The following OR2M3 variants were observed in gnomAD, a reference collection of about 807,000 sequenced individuals.
The protein encoded by OR2M3 is olfactory receptor family 2 subfamily M member 3, also known as olfactory receptor 2M3.
OR2M3 carries 1 observed loss-of-function variant against 4.3 expected under a neutral mutation model. That is an observed-to-expected ratio of 0.23 (90% CI 0.08 to 1.11). The LOEUF is 1.11. Ranked by LOEUF, OR2M3 falls within the 50% of genes most tolerant of loss-of-function variation. The pLI, the probability that OR2M3 is intolerant of heterozygous loss-of-function variation, is 0.54. For missense variants in OR2M3, 410 were observed against 390.4 expected, an observed-to-expected ratio of 1.05 and a Z score of -0.42; for synonymous variants, 151 against 139.4, an observed-to-expected ratio of 1.08 and a Z score of -0.59.
rs1239957532 is a variant in OR2M3 at position 248,211,504 on chromosome 1, G to A, written c.*7498G>A. On this transcript the variant is annotated 3_prime_UTR_variant, in exon 2 of 2. Coordinates refer to ENST00000641626, the MANE Select transcript of OR2M3 (RefSeq NM_001004689.2). ...AATGTTTCTGAATTTTCAAATGTAAGTATATTTTTACATAATAGTAATTTT... is the reference window on the plus strand; with the variant it reads ...AATGTTTCTGAATTTTCAAATGTAAATATATTTTTACATAATAGTAATTTT... 1 of 151,490 alleles carries A rather than the reference G, an allele frequency of 6.6e-6. No individual in the cohort carries two copies. The highest frequency in any genetic ancestry group is 1.5e-5 in the Non-Finnish European group (1 of 67,892). 9.4% of individuals were successfully genotyped at this position (151,490 alleles called of 1,614,324 possible).
In OR2M3 at chr1:248,206,134, T is replaced by A. The variant is rs777141227; in HGVS notation, c.*2128T>A. The A allele has an allele frequency of 6.6e-6, 1 of 152,102 alleles. No homozygotes were observed. The highest frequency in any genetic ancestry group is 1.5e-5 in the Non-Finnish European group (1 of 67,970). The allele number at this position is 152,102 out of a possible 1,614,324, so 9.4% of individuals were successfully genotyped here. A position where few individuals can be genotyped will look rare whatever the true frequency, so the allele number is the denominator to read the frequency against. On this transcript the variant is annotated 3_prime_UTR_variant, in exon 2 of 2. Coordinates refer to ENST00000641626, the MANE Select transcript of OR2M3 (RefSeq NM_001004689.2). ...CATTAGTATATAGCAGAGCTACTGATTTGTGTACATTAATTGTGTGTCCTG... is the reference window on the plus strand; with the variant it reads ...CATTAGTATATAGCAGAGCTACTGAATTGTGTACATTAATTGTGTGTCCTG...
chr1:248,202,518 A>G (rs112277612), intron 1 of OR2M3, among the ~76,000 whole-genome samples: 29 of 152,336 alleles, frequency 1.9e-4, no homozygotes, highest in African/African-American at 6.3e-4. Flanking sequence ...AAATCTTTTC[A>G]GTGTATCCAA....
In OR2M3 at chr1:248,205,619, T is replaced by G. The variant is rs1307610125; in HGVS notation, c.*1613T>G. 6.6e-6 allele frequency: 1 copy of G among 152,120 alleles called. No individual in the cohort carries two copies. Among genetic ancestry groups the G allele is most frequent in the Non-Finnish European group, 1.5e-5 (1 of 68,014 alleles). The allele number at this position is 152,120 out of a possible 1,614,324, so 9.4% of individuals were successfully genotyped here. A position where few individuals can be genotyped will look rare whatever the true frequency, so the allele number is the denominator to read the frequency against. On this transcript the variant is annotated 3_prime_UTR_variant, in exon 2 of 2. Coordinates refer to ENST00000641626, the MANE Select transcript of OR2M3 (RefSeq NM_001004689.2). ...GATGGCTGTAAGTATTTTGGTTTAT[T>G]TCTGGGTTCTCTATTCTGTTTTGTC...
chr1:248,199,446 AT>A (rs1244326407), intron 1 of OR2M3, among the ~76,000 whole-genome samples: 1 of 152,020 alleles, frequency 6.6e-6, no homozygotes, highest in Non-Finnish European at 1.5e-5. Context: ...CCACAGGTCC[AT>A]TTTTATAAGA....
chr1:248,200,154 ACC>A (rs1666140930), intron 1 of OR2M3, among the ~76,000 whole-genome samples: 1 of 152,148 alleles, frequency 6.6e-6, no homozygotes, highest in Non-Finnish European at 1.5e-5. Flanking sequence ...AATATTGCAG[ACC>A]TACTTAAAGA....
rs1360733175 is a variant in OR2M3, at chr1:248,204,581, T to C, written c.*575T>C. The C allele has an allele frequency of 6.5e-6, 1 of 152,772 alleles. No homozygotes were observed. The highest frequency in any genetic ancestry group is 1.5e-5 in the Non-Finnish European group (1 of 68,822). The allele number at this position is 152,772 out of a possible 1,614,324, so 9.5% of individuals were successfully genotyped here. On this transcript the variant is annotated 3_prime_UTR_variant, in exon 2 of 2. Transcript: ENST00000641626. The stretch of plus-strand genomic sequence containing the variant: ...GAATGCCATTATTTTGTATTTTTTA[T>C]GACTGAGTAGTATTCCATGGTATGT...
rs1161932852 is a variant in OR2M3, at chr1:248,209,049, T to C, written c.*5043T>C. On this transcript the variant is annotated 3_prime_UTR_variant, in exon 2 of 2. Transcript: ENST00000641626. ...TTTTTCTTGTCTTGAATGAACTGGG[T>C]TAATTTGAAAGCCTTGTCTTCAAGC... 1 of 152,120 alleles carries C rather than the reference T, an allele frequency of 6.6e-6. No homozygotes were observed. The highest frequency in any genetic ancestry group is 6.5e-5 in the Admixed American group (1 of 15,272). The allele number at this position is 152,120 out of a possible 1,614,324, so 9.4% of individuals were successfully genotyped here.
chr1:248,206,442 T>C lies in OR2M3; in HGVS notation c.*2436T>C, dbSNP rs536425427. ...TATAATGTTTGCTGTGGATTTCTCA[T>C]AGAAGGCTTTGATTACCTTAACGTC... On this transcript the variant is annotated 3_prime_UTR_variant, in exon 2 of 2. Transcript: ENST00000641626. 2.7e-4 allele frequency: 41 copies of C among 152,228 alleles called. No individual in the cohort carries two copies. The highest frequency in any genetic ancestry group is 9.9e-4 in the African/African-American group (41 of 41,544). The allele number at this position is 152,228 out of a possible 1,614,324, so 9.4% of individuals were successfully genotyped here.
rs1666206536 is a variant in OR2M3 at position 248,204,684 on chromosome 1, CGTT to C, written c.*680_*682del. ...ATATATAACCTTTTCTTTATCCACT[CGTT>C]GATTGATGGGCATTTGGACTGGTTC... On this transcript the variant is annotated 3_prime_UTR_variant, in exon 2 of 2. Transcript: ENST00000641626. 3 of 151,504 alleles carry C rather than the reference CGTT, an allele frequency of 2.0e-5. No individual in the cohort carries two copies. The South Asian group carries it at 6.2e-4, about 31-fold the overall frequency. 9.4% of individuals were successfully genotyped at this position (151,504 alleles called of 1,614,324 possible). A position where few individuals can be genotyped will look rare whatever the true frequency, so the allele number is the denominator to read the frequency against.
Position 248,203,436 on chromosome 1 carries a change from C to G in OR2M3, c.369C>G (p.Tyr123Ter), listed in dbSNP as rs769628840. ...FLLAVMAYDRYTAICHPLRYT... is the reference protein window; with the variant it reads ...FLLAVMAYDR ...TGGCTGTTATGGCTTATGACCGCTA[C>G]ACTGCCATTTGCCACCCTCTAAGAT... The change falls in exon 2 of 2, where the codon TAC becomes TAG. Residue 123 changes from tyrosine (Y) to a stop codon, truncating the protein, a stop_gained. Coordinates refer to ENST00000641626, the MANE Select transcript of OR2M3 (RefSeq NM_001004689.2). LOFTEE classifies it low-confidence loss of function (END_TRUNC). The G allele has an allele frequency of 1.2e-6, 2 of 1,613,978 alleles. No individual in the cohort carries two copies. Among genetic ancestry groups the G allele is most frequent in the South Asian group, 2.2e-5 (2 of 91,086 alleles).
intron 1 of OR2M3, 115 bp from the exon 2 acceptor site, chr1:248,202,935 C>T (rs1272401070): frequency 2.2e-6 from 2 of 895,714 alleles, no homozygotes; most frequent in African/African-American, 1.7e-5. Context: ...TTTTAGTTTC[C>T]TACTTCTATT....
Position 248,209,088 on chromosome 1 carries a change from C to G in OR2M3, c.*5082C>G, listed in dbSNP as rs1666252991. The G allele has an allele frequency of 6.6e-6, 1 of 152,036 alleles. No individual in the cohort carries two copies. The highest frequency in any genetic ancestry group is 2.1e-4 in the South Asian group (1 of 4,826). 9.4% of individuals were successfully genotyped at this position (152,036 alleles called of 1,614,324 possible). A position where few individuals can be genotyped will look rare whatever the true frequency, so the allele number is the denominator to read the frequency against. ...TTGTCTTCAAGCTCCGAGGTTCTTT[C>G]TTCTGCTCGTTGGATTTTATTGGTG... On this transcript the variant is annotated 3_prime_UTR_variant, in exon 2 of 2. Coordinates refer to ENST00000641626, the MANE Select transcript of OR2M3 (RefSeq NM_001004689.2).
chr1:248,211,573 G>C lies in OR2M3; in HGVS notation c.*7567G>C, dbSNP rs1666283389. On this transcript the variant is annotated 3_prime_UTR_variant, in exon 2 of 2. Transcript: ENST00000641626. ...GAGTCTCGCTCTGGGGCCCAGGCTGGAGTGCGGTGGTGCGATCTTGGCTCA... is the reference window on the plus strand; with the variant it reads ...GAGTCTCGCTCTGGGGCCCAGGCTGCAGTGCGGTGGTGCGATCTTGGCTCA... 6.6e-6 allele frequency: 1 copy of C among 151,208 alleles called. No individual in the cohort carries two copies. The highest frequency in any genetic ancestry group is 1.5e-5 in the Non-Finnish European group (1 of 67,900). The allele number at this position is 151,208 out of a possible 1,614,324, so 9.4% of individuals were successfully genotyped here.
In OR2M3 at chr1:248,204,074, T is replaced by A; in HGVS notation, c.*68T>A. ...TTTTTAAATGGTCCTATTTTTCCATTAAGCCTTGAAAATGGGATTCATTGT... is the reference window on the plus strand; with the variant it reads ...TTTTTAAATGGTCCTATTTTTCCATAAAGCCTTGAAAATGGGATTCATTGT... On this transcript the variant is annotated 3_prime_UTR_variant, in exon 2 of 2. Coordinates refer to ENST00000641626, the MANE Select transcript of OR2M3 (RefSeq NM_001004689.2). The A allele has an allele frequency of 2.7e-6, 4 of 1,500,738 alleles. No individual in the cohort carries two copies. The highest frequency in any genetic ancestry group is 3.7e-6 in the Non-Finnish European group (4 of 1,084,592). The allele number at this position is 1,500,738 out of a possible 1,614,324, so 93.0% of individuals were successfully genotyped here.
rs1332449016 is a variant in OR2M3, at chr1:248,205,773, G to T, written c.*1767G>T. The T allele has an allele frequency of 6.6e-6, 1 of 151,946 alleles. No individual in the cohort carries two copies. The highest frequency in any genetic ancestry group is 1.5e-5 in the Non-Finnish European group (1 of 67,946). The allele number at this position is 151,946 out of a possible 1,614,324, so 9.4% of individuals were successfully genotyped here. A position where few individuals can be genotyped will look rare whatever the true frequency, so the allele number is the denominator to read the frequency against. On this transcript the variant is annotated 3_prime_UTR_variant, in exon 2 of 2. Transcript: ENST00000641626. ...TGCTTATTCTTGCTATGGCTATGCA[G>T]GACTTTTTTATTCCATATGAATTTT...
chr1:248,203,177 T>C lies in OR2M3; in HGVS notation c.110T>C (p.Val37Ala). ...LFFLVLAIFS[V>A]AFMGNSVMVL... ...TTTCTGGTCCTGGCCATCTTTTCAG[T>C]GGCCTTCATGGGAAACTCTGTCATG... Residue 37 changes from valine to alanine, a missense_variant, in exon 2 of 2, where the codon GTG becomes GCG. Coordinates refer to ENST00000641626, the MANE Select transcript of OR2M3 (RefSeq NM_001004689.2). The C allele has an allele frequency of 6.2e-7, 1 of 1,614,088 alleles. No individual in the cohort carries two copies. Among genetic ancestry groups the C allele is most frequent in the East Asian group, 2.2e-5 (1 of 44,870 alleles).
Position 248,211,507 on chromosome 1 carries a change from T to C in OR2M3, c.*7501T>C, listed in dbSNP as rs1666282313. The C allele has an allele frequency of 6.6e-6, 1 of 151,966 alleles. No homozygotes were observed. Among genetic ancestry groups the C allele is most frequent in the Admixed American group, 6.6e-5 (1 of 15,238 alleles). 9.4% of individuals were successfully genotyped at this position (151,966 alleles called of 1,614,324 possible). The stretch of plus-strand genomic sequence containing the variant: ...GTTTCTGAATTTTCAAATGTAAGTA[T>C]ATTTTTACATAATAGTAATTTTTTT... On this transcript the variant is annotated 3_prime_UTR_variant, in exon 2 of 2. Transcript: ENST00000641626.
At chr1:248,201,359 C>G (rs958237187) in intron 1 of OR2M3, among the ~76,000 whole-genome samples, 10 of 152,182 alleles carry the variant, frequency 6.6e-5, no homozygotes, top group African/African-American at 2.2e-4. Context: ...CCCTTGACTA[C>G]TCTATTCAAA....
rs1666186519 is a variant in OR2M3 at position 248,203,534 on chromosome 1, G to T, written c.467G>T (p.Gly156Val). The stretch of plus-strand genomic sequence containing the variant: ...TCCTGGATCCTGGGCTCTACGGATG[G>T]AATTATTGATGTTGTAGCAACATTT... Reference protein sequence around the residue: ...AFSWILGSTDGIIDVVATFSF... With the variant: ...AFSWILGSTDVIIDVVATFSF... Residue 156 changes from glycine to valine, a missense_variant, in exon 2 of 2, where the codon GGA (glycine) becomes GTA (valine). Physicochemically the swap from Gly to Val is moderately radical, Grantham distance 109. Transcript: ENST00000641626. The T allele has an allele frequency of 1.2e-6, 2 of 1,613,570 alleles. No homozygotes were observed. The highest frequency in any genetic ancestry group is 1.7e-6 in the Non-Finnish European group (2 of 1,179,804).
Sources: allele counts gnomAD v4.1 joint callset (sites outside exome capture counted in the v4.1 genomes callset), GRCh38; gene constraint gnomAD v4.1.1; transcripts MANE v1.5; gene names NCBI Gene and HGNC (gene_info 2026-07-23, HGNC 2026-07-21).